Variants in UNC5A observed in about 807,000 individuals in gnomAD.
UNC5A encodes the protein unc-5 netrin receptor A, also known as netrin receptor UNC5A.
In UNC5A, 20 loss-of-function variants were observed where a neutral mutation model predicts 87.4. That is an observed-to-expected ratio of 0.23 (90% confidence interval 0.16 to 0.33). The LOEUF is 0.33. Ranked by LOEUF, UNC5A falls within the 10% of genes least tolerant of loss-of-function variation. The pLI is 1.00. For synonymous variants in UNC5A, 438 were observed against 482.3 expected (o/e 0.91, Z 1.20); for missense variants, 844 against 1,133.4 (o/e 0.74, Z 3.67).
intron 1 of UNC5A, among the ~76,000 whole-genome samples, chr5:176,827,179 C>CTT (rs35306601): frequency 0.038 from 4,124 of 107,492 alleles, 269 homozygotes; most frequent in Non-Finnish European, 0.046. Flanking sequence ...TGCTTCATTC[C>CTT]TTTTTTTTTT....
chr5:176,855,148 C>T (rs1299635172), intron 1 of UNC5A, among the ~76,000 whole-genome samples: 1 of 152,240 alleles, frequency 6.6e-6, no homozygotes, highest in East Asian at 1.9e-4. Flanking sequence ...CTGGCCTCTC[C>T]CTTGCACTGG....
intron 1 of UNC5A, among the ~76,000 whole-genome samples, chr5:176,862,004 T>G (rs1232796152): frequency 6.6e-6 from 1 of 152,236 alleles, no homozygotes; most frequent in Non-Finnish European, 1.5e-5. Context: ...TGTGGGATGG[T>G]TGTGGTTTTC....
chr5:176,873,662 G>A (rs570505143), intron 6 of UNC5A, among the ~76,000 whole-genome samples: 18 of 152,312 alleles, frequency 1.2e-4, no homozygotes, highest in Non-Finnish European at 2.4e-4. Context: ...CTAGCAGCCA[G>A]GCACCAGGTT....
intron 2 of UNC5A, among the ~76,000 whole-genome samples, chr5:176,863,937 G>A (rs565128627): frequency 3.4e-5 from 5 of 148,778 alleles, no homozygotes; most frequent in African/African-American, 7.5e-5. Context: ...AGCACCCCAC[G>A]CATAATGACA....
At chr5:176,829,416 A>AATGGATGG (rs770947463) in intron 1 of UNC5A, among the ~76,000 whole-genome samples, 1,600 of 76,002 alleles carry the variant, frequency 0.021, 49 homozygotes, top group African/African-American at 0.072. Context: ...ATGAAAGATG[A>AATGGATGG]ATGGATGGAT....
chr5:176,811,072 A>T (rs1756440522), intron 1 of UNC5A, among the ~76,000 whole-genome samples: 1 of 152,030 alleles, frequency 6.6e-6, no homozygotes, highest in Non-Finnish European at 1.5e-5. Context: ...TAGACACCCC[A>T]CGCCTCCGGG....
chr5:176,823,605 A>C (rs905090268), intron 1 of UNC5A, among the ~76,000 whole-genome samples: 1 of 151,908 alleles, frequency 6.6e-6, no homozygotes, highest in African/African-American at 2.4e-5. Context: ...GCAGGGAGAG[A>C]CACAGGGAGG....
rs758650462 is a variant in UNC5A at position 176,877,747 on chromosome 5, A to G, written c.1635+44A>G. 37 of 1,552,384 alleles carry G rather than the reference A, an allele frequency of 2.4e-5. No individual in the cohort carries two copies. In the Admixed American group the frequency reaches 3.3e-4, roughly 14 times the overall value. On this transcript the variant is annotated intron_variant, in intron 10 of 14. Coordinates refer to ENST00000329542, the MANE Select transcript of UNC5A (RefSeq NM_133369.3). ...CGGGCTCCAGAAGGGAACGTGGGCT[A>G]ACTGCACGCTCCACCCGGCCTTCCA...
chr5:176,858,456 C>T (rs1370241264), intron 1 of UNC5A, among the ~76,000 whole-genome samples: 2 of 152,094 alleles, frequency 1.3e-5, no homozygotes, highest in Non-Finnish European at 2.9e-5. Flanking sequence ...GGCTGGAGCA[C>T]TGACTGGGGC....
rs900162982 is a variant in UNC5A at position 176,869,512 on chromosome 5, G to A, written c.721+548G>A. ...CTCCCAGCTCAGCCACAGCCCACCC[G>A]TGTCCAGCTCACAGCCCCTCTGCCC... On this transcript the variant is annotated intron_variant, in intron 5 of 14. Coordinates refer to ENST00000329542, the MANE Select transcript of UNC5A (RefSeq NM_133369.3). This position sits in a 1 kb window ranked among gnomAD's most constrained non-coding sequence, Gnocchi z 9.1. 8 of 608,888 alleles carry A rather than the reference G, an allele frequency of 1.3e-5. No individual in the cohort carries two copies. The highest frequency in any genetic ancestry group is 2.9e-5 in the East Asian group (1 of 34,714). 37.7% of individuals were successfully genotyped at this position (608,888 alleles called of 1,614,324 possible).
intron 1 of UNC5A, among the ~76,000 whole-genome samples, chr5:176,835,095 C>T (rs906989558): frequency 2.6e-5 from 4 of 152,266 alleles, no homozygotes; most frequent in East Asian, 1.9e-4. Flanking sequence ...CTGCAGGCAG[C>T]GAGGCCAGGG....
At chr5:176,835,655 G>A (rs1757134189) in intron 1 of UNC5A, among the ~76,000 whole-genome samples, 1 of 152,160 alleles carries the variant, frequency 6.6e-6, no homozygotes, top group Admixed American at 6.6e-5. Flanking sequence ...GTGGGCGTGG[G>A]TGTGAACTCT....
chr5:176,878,136 C>T lies in UNC5A; in HGVS notation c.1869+9C>T, dbSNP rs80117145. ...CCCACGATGCACTCAAGGTATCTCC[C>T]GCCCCTCACCCCCCGCCGCTGGGAG... On this transcript the variant is annotated intron_variant, in intron 11 of 14. Transcript: ENST00000329542. 9,773 of 1,605,690 alleles carry T rather than the reference C, an allele frequency of 6.1e-3. 44 individuals carry two copies. Among genetic ancestry groups the T allele is most frequent in the Non-Finnish European group, 6.9e-3 (8,174 of 1,178,504 alleles).
intron 1 of UNC5A, among the ~76,000 whole-genome samples, chr5:176,830,855 C>CGT (rs1175218149): frequency 1.7e-5 from 2 of 114,942 alleles, no homozygotes; most frequent in African/African-American, 3.5e-5. Flanking sequence ...TGTGTGCTGG[C>CGT]GTGTGTGTGT....
chr5:176,870,574 G>A, intron 6 of UNC5A, 40 bp downstream of exon 6: 2 of 1,540,546 alleles, frequency 1.3e-6, no homozygotes, highest in Non-Finnish European at 8.8e-7. Context: ...CTGTTTGCCT[G>A]GATTGGCCTT....
At chr5:176,872,621 C>A (rs1345298562) in intron 6 of UNC5A, among the ~76,000 whole-genome samples, 1 of 143,478 alleles carries the variant, frequency 7.0e-6, no homozygotes, top group Non-Finnish European at 1.5e-5. Flanking sequence ...CCACGCTCAC[C>A]AACACCACAG....
intron 2 of UNC5A, among the ~76,000 whole-genome samples, chr5:176,867,518 C>T (rs956597389): frequency 1.3e-5 from 2 of 152,248 alleles, no homozygotes; most frequent in South Asian, 2.1e-4. Flanking sequence ...TGGCAAGTCA[C>T]TTCCCTCTGC....
intron 2 of UNC5A, chr5:176,864,970 G>A: frequency 2.6e-6 from 1 of 380,754 alleles, no homozygotes; most frequent in Non-Finnish European, 5.2e-6. Flanking sequence ...AGGGTCTGCA[G>A]GAGAACCGCA....
At chr5:176,828,859 G>A (rs1002780909) in intron 1 of UNC5A, among the ~76,000 whole-genome samples, 11 of 151,878 alleles carry the variant, frequency 7.2e-5, no homozygotes, top group East Asian at 3.9e-4. Context: ...GGCTGGGCGC[G>A]GTGGCTCATG....
Sources: gnomAD v4.1 joint callset for allele counts (sites outside exome capture counted in the v4.1 genomes callset) on GRCh38, gnomAD v4.1.1 for gene constraint, Gnocchi (gnomAD v3.1) non-coding constraint, MANE v1.5 for transcripts, NCBI Gene and HGNC (gene_info 2026-07-23, HGNC 2026-07-21) for gene names.